Variants in LINGO2 observed in about 807,000 individuals in gnomAD.
LINGO2 encodes the protein leucine rich repeat and Ig domain containing 2.
LINGO2 carries 14 observed loss-of-function variants against 30.6 expected under a neutral mutation model. The ratio of observed to expected loss-of-function variants is 0.46; its 90% CI spans 0.30 to 0.72. The LOEUF is 0.72. Ranked by LOEUF, LINGO2 falls within the 30% of genes least tolerant of loss-of-function variation. The pLI, the probability that LINGO2 is intolerant of heterozygous loss-of-function variation, is 0.07. For synonymous variants in LINGO2, 317 were observed against 288.5 expected, an observed-to-expected ratio of 1.10 and a Z score of -1.00; for missense variants, 729 against 751.7, an observed-to-expected ratio of 0.97 and a Z score of 0.35.
chr9:28,884,405 G>T, the LINGO2 span, among the ~76,000 whole-genome samples: 1 of 152,056 alleles, frequency 6.6e-6, no homozygotes, highest in Non-Finnish European at 1.5e-5. Context: ...CACTATCAGG[G>T]AAAGTGAATG....
At chr9:28,210,910 C>G (rs1468107396) in intron 4 of LINGO2, among the ~76,000 whole-genome samples, 1 of 151,378 alleles carries the variant, frequency 6.6e-6, no homozygotes, top group Non-Finnish European at 1.5e-5. Flanking sequence ...TATCATGAAG[C>G]CTATAATAGA....
the LINGO2 span, among the ~76,000 whole-genome samples, chr9:29,211,917 T>C: frequency 9.9e-5 from 15 of 152,076 alleles, no homozygotes. Flanking sequence ...TGGGCATTAG[T>C]TCGAATACAC....
At chr9:28,338,966 A>G (rs997873048) in intron 3 of LINGO2, among the ~76,000 whole-genome samples, 4 of 152,152 alleles carry the variant, frequency 2.6e-5, no homozygotes, top group Admixed American at 6.5e-5. Flanking sequence ...CGTTAAAATG[A>G]TGCCAGATGG....
intron 2 of LINGO2, among the ~76,000 whole-genome samples, chr9:28,399,546 A>C (rs1156916932): frequency 6.6e-6 from 1 of 152,216 alleles, no homozygotes; most frequent in Non-Finnish European, 1.5e-5. Flanking sequence ...TAATTCATTA[A>C]AGAAGAAATA....
At chr9:28,685,670 G>C in the LINGO2 span, among the ~76,000 whole-genome samples, 1 of 151,982 alleles carries the variant, frequency 6.6e-6, no homozygotes, top group East Asian at 1.9e-4. Context: ...TATCTTTGAA[G>C]TTCTCCCTAA....
the LINGO2 span, among the ~76,000 whole-genome samples, chr9:28,767,785 C>CA: frequency 0.52 from 50,531 of 96,822 alleles, 14,264 homozygotes; most frequent in Non-Finnish European, 0.65. Context: ...GACTCCATTT[C>CA]AAAAAAAAAA....
At chr9:28,241,334 A>C (rs1375140886) in intron 4 of LINGO2, among the ~76,000 whole-genome samples, 1 of 151,906 alleles carries the variant, frequency 6.6e-6, no homozygotes, top group Non-Finnish European at 1.5e-5. Flanking sequence ...GGTGGGGCCA[A>C]GATAGCCAAC....
chr9:28,964,954 A>G, the LINGO2 span, among the ~76,000 whole-genome samples: 72 of 152,016 alleles, frequency 4.7e-4, no homozygotes, highest in African/African-American at 1.6e-3. Flanking sequence ...CTAGTATCTC[A>G]ACTCATGAGC....
chr9:28,019,931 C>T (rs1437763676), intron 4 of LINGO2, among the ~76,000 whole-genome samples: 2 of 152,070 alleles, frequency 1.3e-5, no homozygotes, highest in African/African-American at 2.4e-5. Context: ...CTTAGCCAAT[C>T]TTCAGAATCC....
At chr9:28,871,071 C>T in the LINGO2 span, among the ~76,000 whole-genome samples, 243 of 151,782 alleles carry the variant, frequency 1.6e-3, no homozygotes, top group African/African-American at 5.6e-3. Context: ...AATATATTGA[C>T]AGATGATGAT....
At position 28,637,015 on chromosome 9, in the gene LINGO2, G is replaced by T. The variant is rs979646487; in HGVS notation, c.-365+33185C>A. Among the ~76,000 whole-genome samples the T allele has an allele frequency of 7.9e-5, 12 of 152,110 alleles. No individual in the cohort carries two copies. In the East Asian group the frequency reaches 1.2e-3, roughly 15 times the overall value. ...ATATTTGTATAAGGTGTAAGGAAGG[G>T]ATCCAGTTTCAGCTTTCTACATATG... On this transcript the variant is annotated intron_variant, in intron 1 of 5. Coordinates refer to ENST00000379992, the Ensembl canonical transcript of LINGO2.
At chr9:28,473,415 A>T (rs1825606260) in intron 2 of LINGO2, among the ~76,000 whole-genome samples, 1 of 151,882 alleles carries the variant, frequency 6.6e-6, no homozygotes, top group African/African-American at 2.4e-5. Context: ...TCTCTCTCAC[A>T]CACACACACA....
Position 28,133,433 on chromosome 9 carries a change from G to T in LINGO2, c.-86-121028C>A, listed in dbSNP as rs912198580. 5.9e-5 allele frequency among the ~76,000 whole-genome samples: 9 copies of T among 152,180 alleles called. 1 individual carries two copies. In the South Asian group the frequency reaches 1.5e-3, roughly 25 times the overall value. ...ATTCATGTAGAGCTGTCAATTAGAA[G>T]GATGATATATGAGCTCTGGAAAAAA... is the stretch of plus-strand genomic sequence containing the variant. On this transcript the variant is annotated intron_variant, in intron 4 of 5. Transcript: ENST00000379992.
At chr9:28,559,647 G>A (rs552389414) in intron 1 of LINGO2, among the ~76,000 whole-genome samples, 1 of 152,070 alleles carries the variant, frequency 6.6e-6, no homozygotes, top group East Asian at 1.9e-4. Context: ...ACTTACATAA[G>A]AAATACAATC....
the LINGO2 span, among the ~76,000 whole-genome samples, chr9:28,837,868 G>A: frequency 1.3e-5 from 2 of 151,056 alleles, no homozygotes; most frequent in Non-Finnish European, 2.9e-5. Flanking sequence ...TATAAGCCCA[G>A]TGGAGAAGTG....
chr9:28,832,040 T>C, the LINGO2 span, among the ~76,000 whole-genome samples: 1 of 152,214 alleles, frequency 6.6e-6, no homozygotes, highest in Non-Finnish European at 1.5e-5. Flanking sequence ...TTATTCCATG[T>C]ATATGCATTT....
chr9:28,136,626 T>C (rs1190568964), intron 4 of LINGO2, among the ~76,000 whole-genome samples: 1 of 152,208 alleles, frequency 6.6e-6, no homozygotes, highest in Non-Finnish European at 1.5e-5. Flanking sequence ...ATTCCTCCAG[T>C]GCTTTCTTAA....
chr9:28,586,579 T>C (rs188874630), intron 1 of LINGO2, among the ~76,000 whole-genome samples: 1 of 152,190 alleles, frequency 6.6e-6, no homozygotes, highest in East Asian at 1.9e-4. Context: ...TATTTCTCAA[T>C]ATTTTCTGTT....
intron 1 of LINGO2, among the ~76,000 whole-genome samples, chr9:28,634,280 G>A (rs1398605239): frequency 6.6e-6 from 1 of 151,952 alleles, no homozygotes; most frequent in Non-Finnish European, 1.5e-5. Flanking sequence ...ACAACTGAGG[G>A]AATGTTGTGT....
Sources: allele counts gnomAD v4.1 joint callset (sites outside exome capture counted in the v4.1 genomes callset), GRCh38; gene constraint gnomAD v4.1.1; transcripts MANE v1.5; gene names NCBI Gene and HGNC (gene_info 2026-07-23, HGNC 2026-07-21).